The following SFMBT1 variants were observed in gnomAD, a reference collection of about 807,000 sequenced individuals.
SFMBT1 encodes Scm like with four mbt domains 1.
In SFMBT1, 32 loss-of-function variants were observed where a neutral mutation model predicts 108.7. That is an observed-to-expected ratio of 0.29 (90% confidence interval 0.22 to 0.40). The LOEUF is 0.40. Among genes scored for constraint, SFMBT1 ranks in the 10% least tolerant of loss-of-function variants. SFMBT1 has a pLI of 1.00. For missense variants in SFMBT1, 816 were observed against 1,059.6 expected, an observed-to-expected ratio of 0.77 and a Z score of 3.19; for synonymous variants, 348 against 369.5, an observed-to-expected ratio of 0.94 and a Z score of 0.67.
intron 17 of SFMBT1, 31 bp downstream of exon 17, chr3:52,910,972 A>G: frequency 1.2e-6 from 2 of 1,609,724 alleles, no homozygotes; most frequent in African/African-American, 2.7e-5. Flanking sequence ...GTCAGCTGCT[A>G]TGGTTAACAC....
At chr3:53,032,321 G>A (rs1699715341) in intron 1 of SFMBT1, among the ~76,000 whole-genome samples, 1 of 152,134 alleles carries the variant, frequency 6.6e-6, no homozygotes, top group Non-Finnish European at 1.5e-5. Flanking sequence ...AGTGAGCCGG[G>A]ATCACACCCC....
intron 10 of SFMBT1, among the ~76,000 whole-genome samples, chr3:52,925,152 C>T (rs1182958327): frequency 1.3e-5 from 2 of 152,054 alleles, no homozygotes; most frequent in Admixed American, 6.5e-5. Flanking sequence ...ACCCGGGAGG[C>T]GGAGGCTATA....
At chr3:52,964,303 G>A (rs1704059331) in intron 2 of SFMBT1, among the ~76,000 whole-genome samples, 1 of 152,208 alleles carries the variant, frequency 6.6e-6, no homozygotes, top group Non-Finnish European at 1.5e-5. Flanking sequence ...TTGAAGCCAG[G>A]AGTTTGAAAC....
At chr3:52,990,743 TTAAC>T (rs1705091361) in intron 1 of SFMBT1, among the ~76,000 whole-genome samples, 1 of 152,098 alleles carries the variant, frequency 6.6e-6, no homozygotes, top group Admixed American at 6.5e-5. Flanking sequence ...TTTCTCAACT[TTAAC>T]AAATACTATT....
At chr3:52,977,752 T>C (rs1704567626) in intron 1 of SFMBT1, among the ~76,000 whole-genome samples, 1 of 152,198 alleles carries the variant, frequency 6.6e-6, no homozygotes, top group African/African-American at 2.4e-5. Flanking sequence ...CACACATATA[T>C]ATGTGCAGAT....
chr3:52,916,733 ATTG>A (rs1467161044), intron 13 of SFMBT1, among the ~76,000 whole-genome samples: 1 of 152,054 alleles, frequency 6.6e-6, no homozygotes, highest in Non-Finnish European at 1.5e-5. Flanking sequence ...AAAAAGAACA[ATTG>A]TTTTTAAAAC....
chr3:53,023,044 T>G (rs980115475), intron 1 of SFMBT1, among the ~76,000 whole-genome samples: 1 of 152,256 alleles, frequency 6.6e-6, no homozygotes, highest in Non-Finnish European at 1.5e-5. Context: ...CTTCATATCA[T>G]AAATCATGTA....
Position 52,969,218 on chromosome 3 carries a change from A to G in SFMBT1, c.-90T>C, listed in dbSNP as rs1704259710. 4 of 1,592,210 alleles carry G rather than the reference A, an allele frequency of 2.5e-6. No individual in the cohort carries two copies. The highest frequency in any genetic ancestry group is 3.4e-6 in the Non-Finnish European group (4 of 1,173,184). ...ATCTGAAGATTACTTGCAGGTTTCAAGCATCTGTTCAATGGGTATCCACGG... is the reference window on the plus strand; with the variant it reads ...ATCTGAAGATTACTTGCAGGTTTCAGGCATCTGTTCAATGGGTATCCACGG... On this transcript the variant is annotated 5_prime_UTR_variant, in exon 2 of 21. Transcript: ENST00000394752.
chr3:53,008,453 A>C (rs4687692), intron 1 of SFMBT1, among the ~76,000 whole-genome samples: 109,695 of 152,022 alleles, frequency 0.72, 39,795 homozygotes, highest in South Asian at 0.86. Flanking sequence ...CATACACACA[A>C]ATTCTTTCCA....
chr3:52,943,374 T>C lies in SFMBT1; in HGVS notation c.343A>G (p.Lys115Glu). The C allele has an allele frequency of 1.2e-6, 2 of 1,614,238 alleles. No homozygotes were observed. The highest frequency in any genetic ancestry group is 3.3e-4 in the Middle Eastern group (2 of 6,062). The change falls in exon 4 of 21, where the codon AAG becomes GAG. Residue 115 changes from lysine to glutamate, a missense_variant. By Grantham distance (56) the Lys-to-Glu change is moderately conservative. Around this residue, in one of 5 missense-constraint regions of SFMBT1, gnomAD observed 495 missense variants for 607.4 expected, o/e 0.81. Coordinates refer to ENST00000394752, the MANE Select transcript of SFMBT1 (RefSeq NM_016329.4). ...YPIGWCEQNK[K>E]TLEAPEGIRD... is the part of the protein sequence containing the mutation. ...TTACCTTCTGGGGCTTCAAGGGTCT[T>C]CTTATTCTGCTCACACCACCCAATG...
chr3:53,037,655 C>A (rs1699910021), intron 1 of SFMBT1, among the ~76,000 whole-genome samples: 1 of 152,190 alleles, frequency 6.6e-6, no homozygotes, highest in Non-Finnish European at 1.5e-5. Context: ...GACCACCCAA[C>A]CCTGCTCATT....
At chr3:53,041,698 CAAAAAAAAAAAAAAAAAAAAA>C (rs59502728) in intron 1 of SFMBT1, among the ~76,000 whole-genome samples, 2 of 44,114 alleles carry the variant, frequency 4.5e-5, no homozygotes, top group East Asian at 7.4e-4. Context: ...AAGTCTGTCT[CAAAAAAAAAAAAAAAAAAAAA>C]AAAAAAAAAA....
chr3:53,024,527 A>G (rs1274052385), intron 1 of SFMBT1, among the ~76,000 whole-genome samples: 1 of 152,250 alleles, frequency 6.6e-6, no homozygotes, highest in East Asian at 1.9e-4. Context: ...TTCTGAGCAG[A>G]GTAACATCAT....
At chr3:52,941,326 G>A (rs1188906739) in intron 4 of SFMBT1, among the ~76,000 whole-genome samples, 1 of 152,152 alleles carries the variant, frequency 6.6e-6, no homozygotes, top group African/African-American at 2.4e-5. Flanking sequence ...AGGCGCGGTG[G>A]CTCACGCCTG....
At chr3:53,034,099 AACAATT>A (rs1418763529) in intron 1 of SFMBT1, among the ~76,000 whole-genome samples, 22 of 150,232 alleles carry the variant, frequency 1.5e-4, no homozygotes, top group South Asian at 6.4e-4. Flanking sequence ...AAAAAAAATC[AACAATT>A]CCTTAATATC....
intron 20 of SFMBT1, 37 bp from the exon 21 acceptor site, chr3:52,905,313 C>T: frequency 6.3e-7 from 1 of 1,599,256 alleles, no homozygotes; most frequent in Non-Finnish European, 8.5e-7. Flanking sequence ...CTGTGATGTG[C>T]ACATGAAAGG....
chr3:52,928,671 T>TATAC lies in SFMBT1; in HGVS notation c.898-331_898-330insGTAT, dbSNP rs1553635201. 7.7e-4 allele frequency among the ~76,000 whole-genome samples: 106 copies of TATAC among 138,390 alleles called. 2 individuals carry two copies. Among genetic ancestry groups the TATAC allele is most frequent in the South Asian group, 4.1e-3 (18 of 4,378 alleles). The allele number at this position is 138,390 out of a possible 152,430, so 90.8% of individuals were successfully genotyped here. A position where few individuals can be genotyped will look rare whatever the true frequency, so the allele number is the denominator to read the frequency against. ...ATATATATACACATATATACATATA[T>TATAC]ACACACACACACATATATATATAGT... On this transcript the variant is annotated intron_variant, in intron 8 of 20. Transcript: ENST00000394752.
intron 2 of SFMBT1, among the ~76,000 whole-genome samples, chr3:52,955,142 T>A (rs982318028): frequency 1.3e-5 from 2 of 151,924 alleles, no homozygotes; most frequent in Non-Finnish European, 2.9e-5. Context: ...TTGAAAAAAT[T>A]AATAAAATAC....
At chr3:52,976,465 C>T (rs1192114353) in intron 1 of SFMBT1, among the ~76,000 whole-genome samples, 7 of 151,866 alleles carry the variant, frequency 4.6e-5, no homozygotes, top group Non-Finnish European at 1.0e-4. Flanking sequence ...CTTTATGCTG[C>T]CACATAAATA....
Sources: gnomAD v4.1 joint callset for allele counts (sites outside exome capture counted in the v4.1 genomes callset) on GRCh38, gnomAD v4.1.1 for gene constraint, gnomAD v4.1.1 regional missense constraint, MANE v1.5 for transcripts, NCBI Gene and HGNC (gene_info 2026-07-23, HGNC 2026-07-21) for gene names.